The following PBLD variants were observed in gnomAD, a reference collection of about 807,000 sequenced individuals.
PBLD encodes phenazine biosynthesis like protein domain containing, also known as phenazine biosynthesis-like domain-containing protein.
Under a neutral mutation model 31.3 loss-of-function variants are expected in PBLD, and 26 were observed. That is an observed-to-expected ratio of 0.83 (90% CI 0.61 to 1.15). The LOEUF (loss-of-function observed/expected upper bound fraction) is 1.15. Among genes scored for constraint, PBLD ranks in the 50% most tolerant of loss-of-function variants. The probability of loss-of-function intolerance (pLI) is 0.00; values close to 1 mark genes in which losing one functional copy is unlikely to be tolerated. For synonymous variants in PBLD, 114 were observed against 129.0 expected (o/e 0.88, Z 0.79); for missense variants, 307 against 351.7 (o/e 0.87, Z 1.02).
intron 8 of PBLD, 84 bp from the exon 9 acceptor site, chr10:68,285,494 T>C: frequency 6.6e-7 from 1 of 1,519,162 alleles, no homozygotes; most frequent in Non-Finnish European, 8.8e-7. Context: ...TTACAATCAA[T>C]TATCCAGTTT....
chr10:68,296,209 T>C, intron 4 of PBLD, 57 bp downstream of exon 4: 1 of 1,318,302 alleles, frequency 7.6e-7, no homozygotes, highest in Non-Finnish European at 1.1e-6. Flanking sequence ...GTGTGAGAAC[T>C]TAAAAAAAAA....
At chr10:68,290,104 C>A (rs540799682) in intron 6 of PBLD, among the ~76,000 whole-genome samples, 4 of 152,102 alleles carry the variant, frequency 2.6e-5, no homozygotes, top group African/African-American at 9.6e-5. Context: ...GAGGAGACAA[C>A]CCCTTCCCAC....
intron 1 of PBLD, 46 bp from the exon 2 acceptor site, chr10:68,306,949 C>A: frequency 1.2e-6 from 1 of 812,516 alleles, no homozygotes; most frequent in Admixed American, 2.3e-5. Context: ...ACTTGGTGTC[C>A]AGACGCAAAG....
rs1050744194 is a variant in PBLD at position 68,297,280 on chromosome 10, G to T, written c.85-295C>A. On this transcript the variant is annotated intron_variant, in intron 2 of 9. Transcript: ENST00000358769. ...AGATCTAGTCTAGCTGACAGAGTGTGCTGTCTTCTAAAAACAATCTCCACA... is the reference window on the plus strand; with the variant it reads ...AGATCTAGTCTAGCTGACAGAGTGTTCTGTCTTCTAAAAACAATCTCCACA... 3.9e-5 allele frequency: 16 copies of T among 405,640 alleles called. No homozygotes were observed. In the Admixed American group the frequency reaches 4.9e-4, roughly 12 times the overall value. The allele number at this position is 405,640 out of a possible 1,614,324, so 25.1% of individuals were successfully genotyped here. A position where few individuals can be genotyped will look rare whatever the true frequency, so the allele number is the denominator to read the frequency against.
chr10:68,304,058 A>G (rs189934900), intron 2 of PBLD, among the ~76,000 whole-genome samples: 257 of 152,284 alleles, frequency 1.7e-3, no homozygotes, highest in African/African-American at 5.9e-3. Flanking sequence ...AGCCTGGCTG[A>G]ATTCCTACTG....
chr10:68,304,576 G>GA (rs1288488991), intron 2 of PBLD, among the ~76,000 whole-genome samples: 1 of 151,932 alleles, frequency 6.6e-6, no homozygotes, highest in Non-Finnish European at 1.5e-5. Context: ...GAAAGAGAGA[G>GA]AAAAAAGAAA....
chr10:68,328,375 T>G (rs1464909733), intron 1 of PBLD, among the ~76,000 whole-genome samples: 1 of 151,900 alleles, frequency 6.6e-6, no homozygotes, highest in East Asian at 1.9e-4. Flanking sequence ...CCCCGAAGAG[T>G]GTAATCTCTT....
intron 2 of PBLD, among the ~76,000 whole-genome samples, chr10:68,304,822 G>T (rs1218888411): frequency 6.6e-6 from 1 of 152,232 alleles, no homozygotes; most frequent in Non-Finnish European, 1.5e-5. Flanking sequence ...TTGACAGGAA[G>T]TTGTGTCTGC....
chr10:68,284,114 C>T lies in PBLD; in HGVS notation c.*63G>A, dbSNP rs1441574261. ...CACATTTGCTAAAGGCAGCCCCTTA[C>T]ATTTCTTTTTAAGCAGAAAATACTT... is the stretch of plus-strand genomic sequence containing the variant. On this transcript the variant is annotated 3_prime_UTR_variant, in exon 10 of 10. Transcript: ENST00000358769. The T allele has an allele frequency of 1.4e-6, 2 of 1,451,964 alleles. No homozygotes were observed. The highest frequency in any genetic ancestry group is 1.9e-6 in the Non-Finnish European group (2 of 1,044,380). The allele number at this position is 1,451,964 out of a possible 1,614,324, so 89.9% of individuals were successfully genotyped here.
intron 1 of PBLD, among the ~76,000 whole-genome samples, chr10:68,318,206 A>G (rs908359181): frequency 9.9e-5 from 15 of 151,874 alleles, no homozygotes; most frequent in Non-Finnish European, 2.1e-4. Context: ...CAGCCTGGGC[A>G]ACAGTGTGAG....
At chr10:68,305,620 T>C (rs2134472636) in intron 2 of PBLD, among the ~76,000 whole-genome samples, 1 of 152,212 alleles carries the variant, frequency 6.6e-6, no homozygotes, top group South Asian at 2.1e-4. Flanking sequence ...TCGTGCATGG[T>C]GGCGGGCACC....
intron 2 of PBLD, among the ~76,000 whole-genome samples, chr10:68,301,419 T>A (rs2044504772): frequency 6.6e-6 from 1 of 152,180 alleles, no homozygotes; most frequent in Middle Eastern, 3.2e-3. Flanking sequence ...GCACTCTCCA[T>A]GGCCTGTTGA....
intron 1 of PBLD, among the ~76,000 whole-genome samples, chr10:68,312,346 G>C (rs1231201161): frequency 6.6e-6 from 1 of 152,026 alleles, no homozygotes; most frequent in African/African-American, 2.4e-5. Flanking sequence ...ACCAACACTT[G>C]TTATCTTGTG....
intron 4 of PBLD, chr10:68,295,855 G>A (rs2044419326): frequency 6.5e-6 from 1 of 153,002 alleles, no homozygotes; most frequent in Non-Finnish European, 1.5e-5. Flanking sequence ...GGAGGCTAAG[G>A]CAGGAGAATC....
intron 4 of PBLD, 59 bp downstream of exon 4, chr10:68,296,207 A>C: frequency 7.8e-7 from 1 of 1,283,006 alleles, no homozygotes; most frequent in Non-Finnish European, 1.1e-6. Context: ...GTGTGTGAGA[A>C]CTTAAAAAAA....
At chr10:68,303,502 T>G (rs577913535) in intron 2 of PBLD, among the ~76,000 whole-genome samples, 65 of 151,992 alleles carry the variant, frequency 4.3e-4, no homozygotes, top group African/African-American at 1.5e-3. Context: ...ATTTAAAAAT[T>G]TAAAAATGTC....
At chr10:68,292,863 C>A (rs916321552) in intron 4 of PBLD, among the ~76,000 whole-genome samples, 1 of 152,002 alleles carries the variant, frequency 6.6e-6, no homozygotes, top group Non-Finnish European at 1.5e-5. Flanking sequence ...ATACATTAAA[C>A]CTACCATTTA....
intron 1 of PBLD, among the ~76,000 whole-genome samples, chr10:68,321,981 A>C (rs1234017922): frequency 6.6e-6 from 1 of 152,202 alleles, no homozygotes; most frequent in African/African-American, 2.4e-5. Flanking sequence ...CTTCCCCAGG[A>C]CCCTGAGTAT....
chr10:68,296,180 G>T, intron 4 of PBLD, 86 bp downstream of exon 4: 3 of 1,005,196 alleles, frequency 3.0e-6, no homozygotes, highest in Non-Finnish European at 4.4e-6. Context: ...CAGTCACTTT[G>T]GACCATCAGA....
Sources: gnomAD v4.1 joint callset for allele counts (sites outside exome capture counted in the v4.1 genomes callset) on GRCh38, gnomAD v4.1.1 for gene constraint, MANE v1.5 for transcripts, NCBI Gene and HGNC (gene_info 2026-07-23, HGNC 2026-07-21) for gene names.